The following NUP155 variants were observed in gnomAD, a reference collection of about 807,000 sequenced individuals.
NUP155 encodes the protein nucleoporin 155.
A neutral mutation model predicts 180.4 loss-of-function variants in NUP155; 71 were observed. That is an observed-to-expected ratio of 0.39 (90% CI 0.33 to 0.48). The LOEUF is 0.48. Among genes scored for constraint, NUP155 ranks in the 20% least tolerant of loss-of-function variants. The pLI is 0.91. For synonymous variants in NUP155, 582 were observed against 559.5 expected (o/e 1.04, Z -0.57); for missense variants, 1,553 against 1,648.9 (o/e 0.94, Z 1.01).
At chr5:37,294,216 G>A (rs372422618) in intron 33 of NUP155, 113 bp downstream of exon 33, 2 of 719,046 alleles carry the variant, frequency 2.8e-6, no homozygotes, top group Non-Finnish European at 4.7e-6. Context: ...TCAACCAAGT[G>A]TAATTAGACT....
At chr5:37,328,741 G>A (rs1263034428) in intron 16 of NUP155, among the ~76,000 whole-genome samples, 4 of 152,170 alleles carry the variant, frequency 2.6e-5, no homozygotes, top group African/African-American at 9.7e-5. Context: ...CCAACCTCAG[G>A]TGATCTGCCC....
chr5:37,313,163 G>C (rs1743630925), intron 22 of NUP155, among the ~76,000 whole-genome samples: 2 of 152,092 alleles, frequency 1.3e-5, no homozygotes, highest in Admixed American at 6.6e-5. Flanking sequence ...GGGCATGGTG[G>C]GTCACGTCTG....
chr5:37,366,070 T>C (rs1581221596), intron 1 of NUP155, among the ~76,000 whole-genome samples: 1 of 152,066 alleles, frequency 6.6e-6, no homozygotes, highest in East Asian at 1.9e-4. Context: ...AGCAGTATCT[T>C]ATTGGGGGGA....
At chr5:37,300,372 T>C (rs923176404) in intron 30 of NUP155, among the ~76,000 whole-genome samples, 1 of 152,214 alleles carries the variant, frequency 6.6e-6, no homozygotes, top group African/African-American at 2.4e-5. Flanking sequence ...ATAGGTCTTA[T>C]TCATTTTGTT....
rs1010386470 is a variant in NUP155, at chr5:37,313,701, A to G, written c.2436+497T>C. ...TTATTTTTAGTAGAGATGGGTCCTG[A>G]CATCTTGCCCAGGATAGTCTTGAAT... On this transcript the variant is annotated intron_variant, in intron 22 of 34. Transcript: ENST00000231498. Among the ~76,000 whole-genome samples, 3 of 152,192 alleles carry G rather than the reference A, an allele frequency of 2.0e-5. No homozygotes were observed. In the South Asian group the frequency reaches 6.2e-4, roughly 32 times the overall value.
chr5:37,364,068 C>T (rs1460511397), intron 2 of NUP155, 84 bp from the exon 3 acceptor site: 15 of 1,226,442 alleles, frequency 1.2e-5, no homozygotes, highest in South Asian at 6.1e-5. Context: ...TTAATATTTA[C>T]GTAAAAAATC....
intron 9 of NUP155, among the ~76,000 whole-genome samples, chr5:37,345,727 A>C (rs527425046): frequency 2.4e-4 from 37 of 151,654 alleles, no homozygotes; most frequent in Non-Finnish European, 8.8e-5. Context: ...GCATGGTGAA[A>C]CCCTGTCTCT....
rs1581217839 is a variant in NUP155, at chr5:37,363,900, T to C, written c.380A>G (p.Asn127Ser). The change falls in exon 3 of 35, where the codon AAC (asparagine) becomes AGC (serine). Residue 127 changes from asparagine to serine, a missense_variant. Coordinates refer to ENST00000231498, the MANE Select transcript of NUP155 (RefSeq NM_153485.3). The part of the protein sequence containing the change: ...LTIDSDIFMW[N>S]YEDGGDLAYF... ...CTTAAATACATACCCATCCTCATAG[T>C]TCCACATGAATATATCACTGTCAAT... is the stretch of plus-strand genomic sequence containing the variant. 6.2e-7 allele frequency: 1 copy of C among 1,611,388 alleles called. No homozygotes were observed. The highest frequency in any genetic ancestry group is 8.5e-7 in the Non-Finnish European group (1 of 1,177,544).
intron 31 of NUP155, 51 bp from the exon 32 acceptor site, chr5:37,299,029 A>G (rs1286493957): frequency 6.1e-6 from 6 of 981,092 alleles, no homozygotes; most frequent in Non-Finnish European, 9.8e-6. Context: ...TTAATGTGAA[A>G]TGTTTACATT....
chr5:37,290,858 G>A lies in NUP155; in HGVS notation c.*1042C>T, dbSNP rs1345122692. The stretch of plus-strand genomic sequence containing the variant: ...TCAGTAGGTCTGGGTTGGGGCTCGA[G>A]AATTTGCATTTCTAACAAATTCCTA... On this transcript the variant is annotated 3_prime_UTR_variant, in exon 35 of 35. Transcript: ENST00000231498. 1 of 152,164 alleles carries A rather than the reference G, an allele frequency of 6.6e-6. No individual in the cohort carries two copies. Among genetic ancestry groups the A allele is most frequent in the African/African-American group, 2.4e-5 (1 of 41,442 alleles). 9.4% of individuals were successfully genotyped at this position (152,164 alleles called of 1,614,324 possible).
At chr5:37,301,261 C>G in intron 30 of NUP155, 176 bp downstream of exon 30, 2 of 565,938 alleles carry the variant, frequency 3.5e-6, no homozygotes, top group African/African-American at 1.9e-5. Flanking sequence ...TAGCCTTTTT[C>G]TAGGAGTCAG....
intron 34 of NUP155, among the ~76,000 whole-genome samples, chr5:37,292,405 A>G (rs537892066): frequency 2.0e-4 from 30 of 151,988 alleles, no homozygotes; most frequent in African/African-American, 2.7e-4. Flanking sequence ...TTTAGTAGAG[A>G]TGGGGTTTCA....
intron 17 of NUP155, among the ~76,000 whole-genome samples, chr5:37,328,072 C>A (rs1203384779): frequency 6.6e-6 from 1 of 152,178 alleles, no homozygotes; most frequent in African/African-American, 2.4e-5. Context: ...CTTGCCAGTA[C>A]TGCTTGTAAT....
chr5:37,342,425 A>C (rs1366233131), intron 10 of NUP155, 124 bp downstream of exon 10: 1 of 648,442 alleles, frequency 1.5e-6, no homozygotes, highest in Non-Finnish European at 2.7e-6. Context: ...TTATTTTACA[A>C]ACTATTTATA....
At chr5:37,317,194 A>G (rs1743947126) in intron 21 of NUP155, among the ~76,000 whole-genome samples, 1 of 150,710 alleles carries the variant, frequency 6.6e-6, no homozygotes, top group Non-Finnish European at 1.5e-5. Flanking sequence ...TAAATAAAAT[A>G]AAGTAAAAAT....
chr5:37,293,030 AT>A, intron 33 of NUP155, 45 bp from the exon 34 acceptor site: 1 of 1,259,596 alleles, frequency 7.9e-7, no homozygotes, highest in Admixed American at 1.7e-5. Context: ...AATTGTGTCA[AT>A]TGATTATTTA....
chr5:37,304,648 A>C, intron 27 of NUP155, 91 bp downstream of exon 27: 3 of 933,122 alleles, frequency 3.2e-6, no homozygotes, highest in South Asian at 1.4e-5. Context: ...TGGGATGAGA[A>C]ACTGAATTTT....
In NUP155 at chr5:37,316,880, G is replaced by A. The variant is rs115106544; in HGVS notation, c.2305+1108C>T. ...CTGTACACTTAAAAACAGTAAAAAC[G>A]GGCCAGGCGCAGTGGCTCTTGCCTG... On this transcript the variant is annotated intron_variant, in intron 21 of 34. Coordinates refer to ENST00000231498, the MANE Select transcript of NUP155 (RefSeq NM_153485.3). Among the ~76,000 whole-genome samples, 663 of 151,744 alleles carry A rather than the reference G, an allele frequency of 4.4e-3. 7 individuals are homozygous for A. Among genetic ancestry groups the A allele is most frequent in the Non-Finnish European group, 4.2e-3 (286 of 67,912 alleles).
intron 10 of NUP155, 39 bp from the exon 11 acceptor site, chr5:37,341,281 C>T: frequency 6.4e-7 from 1 of 1,566,986 alleles, no homozygotes; most frequent in African/African-American, 1.3e-5. Context: ...TAATAGAAAA[C>T]AAGGACCTGA....
Sources: allele counts gnomAD v4.1 joint callset (sites outside exome capture counted in the v4.1 genomes callset), GRCh38; gene constraint gnomAD v4.1.1; transcripts MANE v1.5; gene names NCBI Gene and HGNC (gene_info 2026-07-23, HGNC 2026-07-21).